BRD10: variants seen among roughly 807,000 people sequenced by gnomAD.
The protein encoded by BRD10 is uncharacterized bromodomain-containing protein 10.
chr9:5,884,555 C>T, the BRD10 span, among the ~76,000 whole-genome samples: 1 of 152,340 alleles, frequency 6.6e-6, no homozygotes, highest in South Asian at 2.1e-4. Flanking sequence ...TTAACTTCCA[C>T]TGGACTGGCC....
the BRD10 span, among the ~76,000 whole-genome samples, chr9:5,905,232 A>G: frequency 3.7e-3 from 567 of 152,306 alleles, 5 homozygotes; most frequent in African/African-American, 0.013. Flanking sequence ...ACTAAAAACA[A>G]AATCCTAAAT....
chr9:5,929,015 A>G, the BRD10 span: 2 of 1,215,906 alleles, frequency 1.6e-6, no homozygotes, highest in Non-Finnish European at 2.4e-6. Flanking sequence ...CCATAAAATA[A>G]GTAAAACAGA....
chr9:5,921,548 G>A, the BRD10 span: 1 of 1,613,914 alleles, frequency 6.2e-7, no homozygotes, highest in Non-Finnish European at 8.5e-7. Context: ...ATTGCCAGAA[G>A]AAAGAATAGA....
the BRD10 span, among the ~76,000 whole-genome samples, chr9:5,882,361 G>C: frequency 6.6e-6 from 1 of 152,260 alleles, no homozygotes; most frequent in Admixed American, 6.5e-5. Context: ...CTTTATGCCT[G>C]AGCAAGGATT....
the BRD10 span, chr9:5,890,804 G>A: frequency 1.3e-5 from 2 of 152,014 alleles, no homozygotes; most frequent in Non-Finnish European, 2.9e-5. Flanking sequence ...AGACGACCCC[G>A]TCAGAAATCT....
At chr9:5,894,061 G>A in the BRD10 span, among the ~76,000 whole-genome samples, 1 of 152,172 alleles carries the variant, frequency 6.6e-6, no homozygotes, top group Non-Finnish European at 1.5e-5. This position sits in a 1 kb window ranked among gnomAD's most constrained non-coding sequence, Gnocchi z 4.0. Flanking sequence ...ATGCTCTTAA[G>A]TGTTATGCTG....
the BRD10 span, among the ~76,000 whole-genome samples, chr9:5,930,369 T>TTTTATATATATATATATATATATA: frequency 0.013 from 1,806 of 134,234 alleles, 30 homozygotes; most frequent in South Asian, 0.023. Flanking sequence ...TATAAGGAGA[T>TTTTATATATATATATATATATATA]TATATATATA....
the BRD10 span, chr9:5,921,351 C>A: frequency 6.2e-7 from 1 of 1,613,868 alleles, no homozygotes; most frequent in Non-Finnish European, 8.5e-7. Flanking sequence ...GGAATCAGTA[C>A]TATTTGGGGT....
chr9:5,934,664 C>T, the BRD10 span, among the ~76,000 whole-genome samples: 1 of 152,006 alleles, frequency 6.6e-6, no homozygotes, highest in Admixed American at 6.6e-5. Flanking sequence ...CTGCGCCCGG[C>T]CATATTATGT....
the BRD10 span, among the ~76,000 whole-genome samples, chr9:5,972,371 C>A: frequency 6.6e-6 from 1 of 152,158 alleles, no homozygotes; most frequent in Non-Finnish European, 1.5e-5. Flanking sequence ...ATGAAAAATA[C>A]AGAAAATAAA....
the BRD10 span, among the ~76,000 whole-genome samples, chr9:5,997,590 A>C: frequency 1.3e-5 from 2 of 152,310 alleles, no homozygotes; most frequent in African/African-American, 4.8e-5. Flanking sequence ...ACATATGATA[A>C]AGAAAAATAG....
At chr9:5,952,022 T>TATTTATTTATTC in the BRD10 span, among the ~76,000 whole-genome samples, 4 of 149,278 alleles carry the variant, frequency 2.7e-5, no homozygotes, top group African/African-American at 9.9e-5. Context: ...TTTATTTATT[T>TATTTATTTATTC]ATTTATTTAT....
the BRD10 span, chr9:5,969,076 C>A: frequency 6.2e-7 from 1 of 1,613,242 alleles, no homozygotes; most frequent in Admixed American, 1.7e-5. Context: ...TTTCAGTTTG[C>A]CCTACAGCAG....
chr9:5,922,796 T>C, the BRD10 span: 90 of 1,614,008 alleles, frequency 5.6e-5, no homozygotes, highest in African/African-American at 8.9e-4. Context: ...ACAGGGCATT[T>C]TGTATACCAT....
the BRD10 span, chr9:5,910,700 G>T: frequency 6.6e-6 from 1 of 152,208 alleles, no homozygotes. Flanking sequence ...TGGAGACTTG[G>T]GCTGAGTCTG....
chr9:5,907,089 ATG>A, the BRD10 span: 1 of 859,950 alleles, frequency 1.2e-6, no homozygotes, highest in Non-Finnish European at 1.7e-6. Context: ...AGCAAGGACA[ATG>A]TGAATGTACT....
chr9:5,925,121 G>A, the BRD10 span, among the ~76,000 whole-genome samples: 2 of 152,098 alleles, frequency 1.3e-5, no homozygotes, highest in African/African-American at 4.8e-5. Flanking sequence ...CACTTTGGGA[G>A]GCCGAGGTAG....
the BRD10 span, among the ~76,000 whole-genome samples, chr9:5,883,324 A>C: frequency 1.6e-4 from 24 of 152,326 alleles, no homozygotes; most frequent in Admixed American, 1.3e-3. Context: ...AGATTCTCCA[A>C]GGAACCTGAA....
At chr9:5,914,079 A>C in the BRD10 span, 1 of 450,816 alleles carries the variant, frequency 2.2e-6, no homozygotes, top group South Asian at 1.6e-5. Flanking sequence ...TAAGAAAAGA[A>C]AATGATCACA....
Sources: allele counts gnomAD v4.1 joint callset (sites outside exome capture counted in the v4.1 genomes callset), GRCh38; gene constraint gnomAD v4.1.1; non-coding constraint Gnocchi (gnomAD v3.1); transcripts MANE v1.5; gene names NCBI Gene and HGNC (gene_info 2026-07-23, HGNC 2026-07-21).